SAE1: variants seen among roughly 807,000 people sequenced by gnomAD.
SAE1 encodes SUMO1 activating enzyme subunit 1.
A neutral mutation model predicts 40.6 loss-of-function variants in SAE1; 11 were observed. That is an observed-to-expected ratio of 0.27 (90% confidence interval 0.17 to 0.45). The LOEUF (loss-of-function observed/expected upper bound fraction) is 0.45. Among genes scored for constraint, SAE1 ranks in the 20% least tolerant of loss-of-function variants. The pLI is 1.00. For synonymous variants in SAE1, 155 were observed against 154.3 expected (o/e 1.00, Z -0.03); for missense variants, 373 against 427.3 (o/e 0.87, Z 1.12).
chr19:47,134,868 G>T (rs1391622033), intron 1 of SAE1, among the ~76,000 whole-genome samples: 2 of 152,078 alleles, frequency 1.3e-5, no homozygotes, highest in African/African-American at 4.8e-5. Context: ...TATTCTGAGG[G>T]AGTGGAGCTG....
At chr19:47,168,612 T>C (rs895984636) in intron 5 of SAE1, among the ~76,000 whole-genome samples, 1 of 152,140 alleles carries the variant, frequency 6.6e-6, no homozygotes, top group Non-Finnish European at 1.5e-5. Context: ...GTTGTTGTTG[T>C]TGTTTTTGAG....
chr19:47,209,046 G>A (rs2058699657), intron 8 of SAE1, 113 bp from the exon 9 acceptor site: 4 of 957,406 alleles, frequency 4.2e-6, no homozygotes, highest in African/African-American at 1.6e-5. Context: ...CCCTTTGGGA[G>A]CAAAATCGAC....
At chr19:47,202,080 T>C (rs2058658812) in intron 7 of SAE1, among the ~76,000 whole-genome samples, 1 of 152,120 alleles carries the variant, frequency 6.6e-6, no homozygotes, top group Admixed American at 6.6e-5. Context: ...GGGATTGGAA[T>C]GGATACAGCC....
intron 1 of SAE1, among the ~76,000 whole-genome samples, chr19:47,136,494 CTTTT>C (rs35463823): frequency 4.6e-5 from 5 of 109,620 alleles, no homozygotes; most frequent in African/African-American, 1.0e-4. Flanking sequence ...TTACCCGAGT[CTTTT>C]TTTTTTTTTT....
At chr19:47,167,657 G>A (rs1486637974) in intron 5 of SAE1, among the ~76,000 whole-genome samples, 2 of 152,052 alleles carry the variant, frequency 1.3e-5, no homozygotes, top group African/African-American at 2.4e-5. Context: ...TTATCATCTT[G>A]TCTCTCTGTT....
rs1293826061 is a variant in SAE1 at position 47,153,009 on chromosome 19, T to G, written c.496T>G (p.Phe166Val). The G allele has an allele frequency of 6.2e-7, 1 of 1,613,572 alleles. No homozygotes were observed. Among genetic ancestry groups the G allele is most frequent in the Non-Finnish European group, 8.5e-7 (1 of 1,179,840 alleles). ...GDVFGYHGYT[F>V]ANLGEHEFVE... The stretch of plus-strand genomic sequence containing the variant: ...TGTTTTTGGCTACCATGGATACACA[T>G]TTGCCAATCTAGGAGAGCATGAGTT... The change falls in exon 4 of 9, where the codon TTT becomes GTT. Residue 166 changes from phenylalanine to valine, a missense_variant. Phe to Val is a conservative substitution (Grantham distance 50). This residue lies in a region of SAE1 where 351 missense variants were observed against 390.6 expected (regional missense o/e 0.90). Coordinates refer to ENST00000270225, the MANE Select transcript of SAE1 (RefSeq NM_005500.3).
chr19:47,149,568 T>C (rs2058274954), intron 2 of SAE1, among the ~76,000 whole-genome samples: 1 of 152,192 alleles, frequency 6.6e-6, no homozygotes, highest in South Asian at 2.1e-4. Context: ...ACATGCTAAG[T>C]ATTTAGTCAA....
At chr19:47,178,033 GAGATCGAGAC>G (rs1288043808) in intron 6 of SAE1, among the ~76,000 whole-genome samples, 1 of 152,070 alleles carries the variant, frequency 6.6e-6, no homozygotes, top group East Asian at 1.9e-4. Context: ...ATGAGGTCAA[GAGATCGAGAC>G]CATCCTGGCC....
chr19:47,208,166 A>G (rs553437503), intron 8 of SAE1, among the ~76,000 whole-genome samples: 2 of 152,180 alleles, frequency 1.3e-5, no homozygotes, highest in African/African-American at 4.8e-5. Context: ...CACCTTTCTC[A>G]GTTGAATAGT....
chr19:47,209,589 TTG>T lies in SAE1; in HGVS notation c.*341_*342del. ...CCGGCCTCGCCAGCCCTCTGGGGCA[TTG>T]TGGGAGATGCCTGCCAGGAATGAGC... On this transcript the variant is annotated 3_prime_UTR_variant, in exon 9 of 9. Coordinates refer to ENST00000270225, the MANE Select transcript of SAE1 (RefSeq NM_005500.3). The T allele has an allele frequency of 5.6e-6, 2 of 357,670 alleles. No individual in the cohort carries two copies. Among genetic ancestry groups the T allele is most frequent in the Non-Finnish European group, 5.1e-6 (1 of 197,860 alleles). The allele number at this position is 357,670 out of a possible 1,614,324, so 22.2% of individuals were successfully genotyped here.
At chr19:47,160,736 G>T (rs1386889031) in intron 5 of SAE1, among the ~76,000 whole-genome samples, 4 of 149,530 alleles carry the variant, frequency 2.7e-5, no homozygotes, top group African/African-American at 7.4e-5. Flanking sequence ...TCACCATGTT[G>T]ACCAGGATGG....
rs1030071660 is a variant in SAE1, at chr19:47,165,392, G to T, written c.628-4426G>T. 2.6e-5 allele frequency among the ~76,000 whole-genome samples: 4 copies of T among 152,234 alleles called. No homozygotes were observed. In the Middle Eastern group the frequency reaches 0.01, roughly 388 times the overall value. ...GGTGTGAGCCACCGCACCCGGCCTT[G>T]TTATTAGTCTTAACTAGATTGTTGA... On this transcript the variant is annotated intron_variant, in intron 5 of 8. Coordinates refer to ENST00000270225, the MANE Select transcript of SAE1 (RefSeq NM_005500.3).
chr19:47,172,455 A>G (rs896070777), intron 6 of SAE1, among the ~76,000 whole-genome samples: 1 of 152,126 alleles, frequency 6.6e-6, no homozygotes, highest in Non-Finnish European at 1.5e-5. Flanking sequence ...CCCTCAGGAA[A>G]CAATGGCGCT....
At chr19:47,199,698 C>A (rs2058640391) in intron 7 of SAE1, among the ~76,000 whole-genome samples, 1 of 152,144 alleles carries the variant, frequency 6.6e-6, no homozygotes, top group African/African-American at 2.4e-5. Flanking sequence ...TTGCCACTGG[C>A]TGACTGGCTG....
At chr19:47,139,586 C>CTTTT (rs71179299) in intron 1 of SAE1, among the ~76,000 whole-genome samples, 32 of 122,796 alleles carry the variant, frequency 2.6e-4, no homozygotes, top group Non-Finnish European at 4.0e-4. Context: ...GAATGTGTAT[C>CTTTT]TTTTTTTTTT....
At chr19:47,178,922 G>A (rs1488500910) in intron 6 of SAE1, among the ~76,000 whole-genome samples, 2 of 152,146 alleles carry the variant, frequency 1.3e-5, no homozygotes, top group Non-Finnish European at 2.9e-5. Flanking sequence ...CACCTGGCGC[G>A]GTGGCTTATG....
In SAE1 at chr19:47,198,438, G is replaced by A. The variant is rs532527540; in HGVS notation, c.878+1061G>A. Among the ~76,000 whole-genome samples, 7 of 152,154 alleles carry A rather than the reference G, an allele frequency of 4.6e-5. No homozygotes were observed. In the South Asian group the frequency reaches 1.5e-3, roughly 32 times the overall value. On this transcript the variant is annotated intron_variant, in intron 7 of 8. Transcript: ENST00000270225. ...CCACATCTCCTTCCAAGCAGCTCTG[G>A]GATCATGTACACACCCTAATTCCCT...
intron 2 of SAE1, among the ~76,000 whole-genome samples, chr19:47,144,926 G>A (rs1258328276): frequency 6.6e-6 from 1 of 152,134 alleles, no homozygotes; most frequent in Non-Finnish European, 1.5e-5. Context: ...CCGCTTCCCG[G>A]GCTCAAGTGA....
At chr19:47,171,988 T>G (rs1013077464) in intron 6 of SAE1, among the ~76,000 whole-genome samples, 2 of 152,190 alleles carry the variant, frequency 1.3e-5, no homozygotes, top group Non-Finnish European at 2.9e-5. Flanking sequence ...GGTGCAATCT[T>G]GGCTCACTGC....
Sources: gnomAD v4.1 joint callset for allele counts (sites outside exome capture counted in the v4.1 genomes callset) on GRCh38, gnomAD v4.1.1 for gene constraint, gnomAD v4.1.1 regional missense constraint, MANE v1.5 for transcripts, NCBI Gene and HGNC (gene_info 2026-07-23, HGNC 2026-07-21) for gene names.